PIK3CB: variants seen among roughly 807,000 people sequenced by gnomAD.
The protein encoded by PIK3CB is phosphatidylinositol 4,5-bisphosphate 3-kinase catalytic subunit beta isoform.
PIK3CB carries 39 observed loss-of-function variants against 136.8 expected under a neutral mutation model. The ratio of observed to expected loss-of-function variants is 0.29; its 90% CI spans 0.22 to 0.37. The LOEUF is 0.37. Among genes scored for constraint, PIK3CB ranks in the 10% least tolerant of loss-of-function variants. PIK3CB has a pLI of 1.00. For missense variants in PIK3CB, 868 were observed against 1,275.4 expected, an observed-to-expected ratio of 0.68 and a Z score of 4.87; for synonymous variants, 428 against 436.6, an observed-to-expected ratio of 0.98 and a Z score of 0.25.
intron 2 of PIK3CB, among the ~76,000 whole-genome samples, chr3:138,788,134 G>A (rs2046002070): frequency 6.6e-6 from 1 of 151,670 alleles, no homozygotes; most frequent in South Asian, 2.1e-4. Flanking sequence ...TGTTGGCCAG[G>A]CCGGTCTCTA....
intron 1 of PIK3CB, among the ~76,000 whole-genome samples, chr3:138,802,155 C>G (rs932061641): frequency 1.3e-5 from 2 of 151,216 alleles, no homozygotes; most frequent in African/African-American, 2.4e-5. Context: ...AGGTGGATCA[C>G]TCGAGGTCAG....
chr3:138,794,642 C>A (rs1163806537), intron 2 of PIK3CB, among the ~76,000 whole-genome samples: 1 of 152,066 alleles, frequency 6.6e-6, no homozygotes, highest in Non-Finnish European at 1.5e-5. Flanking sequence ...ACTAATATAC[C>A]AAGAACTCTG....
intron 4 of PIK3CB, among the ~76,000 whole-genome samples, chr3:138,748,415 C>G (rs1201164505): frequency 6.6e-6 from 1 of 152,142 alleles, no homozygotes; most frequent in Non-Finnish European, 1.5e-5. Context: ...CTGCCTGCCT[C>G]TGAGTCTCTG....
rs372136014 is a variant in PIK3CB, at chr3:138,777,282, T to C, written c.-16-17923A>G. 1.5e-4 allele frequency among the ~76,000 whole-genome samples: 23 copies of C among 152,316 alleles called. No individual in the cohort carries two copies. The East Asian group carries it at 4.1e-3, about 27-fold the overall frequency. On this transcript the variant is annotated intron_variant, in intron 2 of 23. Coordinates refer to ENST00000674063, the MANE Select transcript of PIK3CB (RefSeq NM_006219.3). ...GCTTCAGTGATGGCTTGACCTCTAA[T>C]AGAATACAGCAGGGGTAATGCTCTA...
rs1172492715 is a variant in PIK3CB, at chr3:138,652,911, T to C, written c.*2478A>G. 9.3e-6 allele frequency: 2 copies of C among 213,984 alleles called. No individual in the cohort carries two copies. The highest frequency in any genetic ancestry group is 9.4e-6 in the Non-Finnish European group (1 of 106,152). The allele number at this position is 213,984 out of a possible 1,614,324, so 13.3% of individuals were successfully genotyped here. A position where few individuals can be genotyped will look rare whatever the true frequency, so the allele number is the denominator to read the frequency against. ...AAAAATTAAAAATTAAGAATTTGCA[T>C]TTTTAACCAGTTCTCTCTGGTGATG... On this transcript the variant is annotated 3_prime_UTR_variant, in exon 24 of 24. Transcript: ENST00000674063.
chr3:138,814,806 A>G (rs924928017), intron 1 of PIK3CB, among the ~76,000 whole-genome samples: 11 of 152,078 alleles, frequency 7.2e-5, no homozygotes, highest in African/African-American at 2.4e-4. Flanking sequence ...ATTCTAGCCC[A>G]GCCTGGGCAA....
chr3:138,725,800 A>G (rs185939417), intron 8 of PIK3CB, among the ~76,000 whole-genome samples: 141 of 152,224 alleles, frequency 9.3e-4, no homozygotes, highest in African/African-American at 3.3e-3. Context: ...TGTCTTTGTG[A>G]GATAATTCCA....
intron 1 of PIK3CB, among the ~76,000 whole-genome samples, chr3:138,805,708 A>G (rs948672576): frequency 2.0e-5 from 3 of 151,452 alleles, no homozygotes; most frequent in South Asian, 2.1e-4. Flanking sequence ...TAGGATGTAC[A>G]TCTTCTCTTT....
At chr3:138,799,963 G>A (rs957426161) in intron 1 of PIK3CB, among the ~76,000 whole-genome samples, 15 of 152,126 alleles carry the variant, frequency 9.9e-5, no homozygotes, top group Admixed American at 7.2e-4. Context: ...ACAGGCATAA[G>A]CCACCATGCC....
intron 2 of PIK3CB, among the ~76,000 whole-genome samples, chr3:138,780,953 G>C (rs1288978909): frequency 1.3e-5 from 2 of 152,114 alleles, no homozygotes; most frequent in Non-Finnish European, 2.9e-5. Context: ...CCAAAGTGCT[G>C]ATGTTACAAG....
chr3:138,714,916 T>C (rs2044577256), intron 8 of PIK3CB, among the ~76,000 whole-genome samples, 197 bp from the exon 9 acceptor site: 1 of 152,192 alleles, frequency 6.6e-6, no homozygotes, highest in African/African-American at 2.4e-5. Context: ...AATTAACCAG[T>C]ATATCGTTCA....
At chr3:138,753,178 C>T (rs2045504407) in intron 4 of PIK3CB, among the ~76,000 whole-genome samples, 1 of 152,192 alleles carries the variant, frequency 6.6e-6, no homozygotes, top group South Asian at 2.1e-4. Context: ...GGTTGCACCA[C>T]TGCATTCCAG....
intron 1 of PIK3CB, chr3:138,826,080 G>A: frequency 9.1e-7 from 1 of 1,094,810 alleles, no homozygotes; most frequent in South Asian, 1.3e-5. Context: ...GAAAAAGATT[G>A]ATCACCATTC....
rs553473206 is a variant in PIK3CB, at chr3:138,789,983, C to G, written c.-17+6480G>C. Among the ~76,000 whole-genome samples, 11 of 152,226 alleles carry G rather than the reference C, an allele frequency of 7.2e-5. No individual in the cohort carries two copies. In the East Asian group the frequency reaches 2.1e-3, roughly 29 times the overall value. ...GGATTACAGGCGTGAGCCACCAGGC[C>G]CAGCCTATTCAGCCTTTAAAAGGAA... On this transcript the variant is annotated intron_variant, in intron 2 of 23. Coordinates refer to ENST00000674063, the MANE Select transcript of PIK3CB (RefSeq NM_006219.3).
chr3:138,710,270 G>C (rs1246453182), intron 10 of PIK3CB, among the ~76,000 whole-genome samples: 1 of 152,062 alleles, frequency 6.6e-6, no homozygotes, highest in Non-Finnish European at 1.5e-5. Flanking sequence ...AAAACTGTTA[G>C]AGGTACATGC....
intron 9 of PIK3CB, among the ~76,000 whole-genome samples, chr3:138,713,849 A>G (rs1293892194): frequency 6.6e-6 from 1 of 152,226 alleles, no homozygotes; most frequent in East Asian, 1.9e-4. Flanking sequence ...CAACAGGTCC[A>G]TCCTCTTATA....
intron 5 of PIK3CB, among the ~76,000 whole-genome samples, chr3:138,740,066 G>C (rs1179626044): frequency 6.7e-6 from 1 of 149,768 alleles, no homozygotes; most frequent in African/African-American, 2.4e-5. Flanking sequence ...TTCCAGAATT[G>C]TGAGAAACAG....
chr3:138,685,420 A>AAAAAAAAAAAAAAAAAAAAGAAAG (rs2043866681), intron 16 of PIK3CB, among the ~76,000 whole-genome samples: 3 of 86,916 alleles, frequency 3.5e-5, no homozygotes, highest in Non-Finnish European at 6.9e-5. Context: ...AAAAAAAAAA[A>AAAAAAAAAAAAAAAAAAAAGAAAG]AAAGAAAGAA....
chr3:138,708,406 G>A (rs750168631), intron 10 of PIK3CB, among the ~76,000 whole-genome samples: 4 of 151,100 alleles, frequency 2.6e-5, no homozygotes, highest in Non-Finnish European at 5.9e-5. Flanking sequence ...GACCACAGGC[G>A]CATGCCACCA....
Sources: gnomAD v4.1 joint callset for allele counts (sites outside exome capture counted in the v4.1 genomes callset) on GRCh38, gnomAD v4.1.1 for gene constraint, MANE v1.5 for transcripts, NCBI Gene and HGNC (gene_info 2026-07-23, HGNC 2026-07-21) for gene names.